Variants in PCBP3 observed in about 807,000 individuals in gnomAD.
The protein encoded by PCBP3 is poly(rC) binding protein 3, also known as poly(rC)-binding protein 3.
PCBP3 carries 25 observed loss-of-function variants against 52.7 expected under a neutral mutation model. That is an observed-to-expected ratio of 0.47 (90% confidence interval 0.35 to 0.66). The LOEUF (loss-of-function observed/expected upper bound fraction) is 0.66, where lower values mean the gene tolerates loss of function less well. PCBP3 is among the 30% of genes least tolerant of loss of function. The pLI is 0.01. For synonymous variants in PCBP3, 162 were observed against 183.0 expected (o/e 0.89, Z 0.93); for missense variants, 391 against 490.3 (o/e 0.80, Z 1.91).
At chr21:45,763,166 G>A (rs1308709072) in intron 4 of PCBP3, 1 of 152,288 alleles carries the variant, frequency 6.6e-6, no homozygotes, top group Non-Finnish European at 1.5e-5. Flanking sequence ...GGTCAGCTGA[G>A]CCGCACAAGC....
intron 4 of PCBP3, among the ~76,000 whole-genome samples, chr21:45,798,930 T>G: frequency 6.8e-6 from 1 of 148,046 alleles, no homozygotes; most frequent in Admixed American, 6.7e-5. Flanking sequence ...AGAGAGTGAA[T>G]GGATGTGTAC....
At chr21:45,812,147 C>T (rs1160053881) in intron 4 of PCBP3, among the ~76,000 whole-genome samples, 1 of 152,072 alleles carries the variant, frequency 6.6e-6, no homozygotes, top group Non-Finnish European at 1.5e-5. Context: ...TTGGGGAGGT[C>T]GTGTTGCCAT....
intron 1 of PCBP3, among the ~76,000 whole-genome samples, chr21:45,654,983 G>A (rs555439039): frequency 6.6e-6 from 1 of 152,068 alleles, no homozygotes; most frequent in African/African-American, 2.4e-5. Flanking sequence ...GGCCTTTTGT[G>A]TCTGGCTTCT....
chr21:45,646,099 C>CTGTG (rs1569070146), intron 1 of PCBP3, among the ~76,000 whole-genome samples: 1 of 85,444 alleles, frequency 1.2e-5, no homozygotes, highest in African/African-American at 4.1e-5. Context: ...CTCTCTCTCT[C>CTGTG]TCTCTCTCTG....
At chr21:45,869,652 G>A (rs2094918954) in intron 5 of PCBP3, among the ~76,000 whole-genome samples, 3 of 152,188 alleles carry the variant, frequency 2.0e-5, no homozygotes, top group Non-Finnish European at 4.4e-5. Flanking sequence ...GCTCCTCAGT[G>A]GCCAGGGCAG....
intron 4 of PCBP3, among the ~76,000 whole-genome samples, chr21:45,787,411 AT>A (rs761892935): frequency 4.9e-3 from 708 of 143,452 alleles, no homozygotes; most frequent in Middle Eastern, 0.011. Context: ...CACCTGGCTA[AT>A]TTTTTTTTTT....
At chr21:45,935,858 G>T (rs1311365710) in intron 16 of PCBP3, among the ~76,000 whole-genome samples, 1 of 152,220 alleles carries the variant, frequency 6.6e-6, no homozygotes, top group Non-Finnish European at 1.5e-5. Context: ...AACACACACA[G>T]TCCTCCCCAG....
At chr21:45,652,811 T>C (rs1381679155) in intron 1 of PCBP3, among the ~76,000 whole-genome samples, 1 of 152,208 alleles carries the variant, frequency 6.6e-6, no homozygotes, top group Non-Finnish European at 1.5e-5. Flanking sequence ...GTAATTTTCC[T>C]TTCTTATAGC....
chr21:45,914,041 C>T lies in PCBP3; in HGVS notation c.675+16C>T. 2 of 1,613,450 alleles carry T rather than the reference C, an allele frequency of 1.2e-6. No individual in the cohort carries two copies. The highest frequency in any genetic ancestry group is 1.7e-6 in the Non-Finnish European group (2 of 1,179,938). ...AGGTGGTCAGGTAAGAGCCGATCCGCTCGCGGCCTCCACTGCCAACCTCAG... is the reference window on the plus strand; with the variant it reads ...AGGTGGTCAGGTAAGAGCCGATCCGTTCGCGGCCTCCACTGCCAACCTCAG... On this transcript the variant is annotated intron_variant, in intron 12 of 17. Coordinates refer to ENST00000681687, the MANE Select transcript of PCBP3 (RefSeq NM_001384156.1).
At chr21:45,877,655 A>T (rs928181147) in intron 5 of PCBP3, among the ~76,000 whole-genome samples, 2 of 152,196 alleles carry the variant, frequency 1.3e-5, no homozygotes, top group East Asian at 3.9e-4. Context: ...AATACAAAAA[A>T]TTAGCCGGGT....
intron 3 of PCBP3, among the ~76,000 whole-genome samples, chr21:45,739,595 C>CCCCA (rs2086247405): frequency 7.8e-6 from 1 of 128,830 alleles, no homozygotes; most frequent in Non-Finnish European, 1.7e-5. Flanking sequence ...TGCCCCCCCC[C>CCCCA]ATCTTCATCA....
intron 5 of PCBP3, among the ~76,000 whole-genome samples, chr21:45,890,806 G>GCA (rs2095638945): frequency 7.2e-6 from 1 of 138,460 alleles, no homozygotes; most frequent in South Asian, 2.4e-4. Context: ...AACTCTGTGT[G>GCA]CTGCTGAGAG....
At chr21:45,789,335 T>C (rs930285889) in intron 4 of PCBP3, among the ~76,000 whole-genome samples, 6 of 152,246 alleles carry the variant, frequency 3.9e-5, no homozygotes, top group African/African-American at 1.4e-4. Context: ...TGTGAGTTCA[T>C]GTGTGCATGA....
Position 45,817,199 on chromosome 21 carries a change from A to G in PCBP3, c.-125-32762A>G, listed in dbSNP as rs2092991763. Among the ~76,000 whole-genome samples the G allele has an allele frequency of 6.6e-6, 1 of 152,154 alleles. No individual in the cohort carries two copies. Among genetic ancestry groups the G allele is most frequent in the African/African-American group, 2.4e-5 (1 of 41,426 alleles). ...GGCTCGGTCGAACTTTGTCAAGGAA[A>G]GTCTTCACTATCCCTTCCTCTAGAA... On this transcript the variant is annotated intron_variant, in intron 4 of 17. Coordinates refer to ENST00000681687, the MANE Select transcript of PCBP3 (RefSeq NM_001384156.1). This position sits in a 1 kb window ranked among gnomAD's most constrained non-coding sequence, Gnocchi z 4.3.
At chr21:45,751,789 A>G (rs140779857) in intron 3 of PCBP3, among the ~76,000 whole-genome samples, 121 of 152,298 alleles carry the variant, frequency 7.9e-4, no homozygotes, top group African/African-American at 2.8e-3. Context: ...CAGCCACACC[A>G]TGGGGTCTGT....
chr21:45,662,847 T>G (rs2080498125), intron 1 of PCBP3, among the ~76,000 whole-genome samples: 1 of 151,938 alleles, frequency 6.6e-6, no homozygotes, highest in African/African-American at 2.4e-5. Context: ...GGACTGTGGT[T>G]TAGTGGTAGC....
chr21:45,937,741 A>G (rs1245530987), intron 16 of PCBP3, among the ~76,000 whole-genome samples: 1 of 152,306 alleles, frequency 6.6e-6, no homozygotes, highest in Non-Finnish European at 1.5e-5. Context: ...CTTGGGCTGC[A>G]GGGCTCAGCC....
intron 2 of PCBP3, among the ~76,000 whole-genome samples, chr21:45,677,042 C>T (rs1273842317): frequency 1.3e-5 from 2 of 152,114 alleles, no homozygotes; most frequent in East Asian, 1.9e-4. Context: ...CAAAGTGCTG[C>T]GTTAGCCACT....
Position 45,829,834 on chromosome 21 carries a change from C to G in PCBP3, c.-125-20127C>G, listed in dbSNP as rs946708162. ...GGGGAGGCCTGGTTCCCCTGACATT[C>G]TGCTGCCAGGAAGATGCAGCTCTAG... On this transcript the variant is annotated intron_variant, in intron 4 of 17. Coordinates refer to ENST00000681687, the MANE Select transcript of PCBP3 (RefSeq NM_001384156.1). This position sits in a 1 kb window ranked among gnomAD's most constrained non-coding sequence, Gnocchi z 5.2. The G allele has an allele frequency of 6.6e-6, 1 of 152,592 alleles. No individual in the cohort carries two copies. The highest frequency in any genetic ancestry group is 1.5e-5 in the Non-Finnish European group (1 of 68,114). 9.5% of individuals were successfully genotyped at this position (152,592 alleles called of 1,614,324 possible). A position where few individuals can be genotyped will look rare whatever the true frequency, so the allele number is the denominator to read the frequency against.
Sources: gnomAD v4.1 joint callset for allele counts (sites outside exome capture counted in the v4.1 genomes callset) on GRCh38, gnomAD v4.1.1 for gene constraint, Gnocchi (gnomAD v3.1) non-coding constraint, MANE v1.5 for transcripts, NCBI Gene and HGNC (gene_info 2026-07-23, HGNC 2026-07-21) for gene names.